The following RARB variants were observed in gnomAD, a reference collection of about 807,000 sequenced individuals.
The protein encoded by RARB is retinoic acid receptor beta, also known as HBV-activated protein.
RARB carries 17 observed loss-of-function variants against 51.9 expected under a neutral mutation model. The observed-to-expected ratio is 0.33, with a 90% confidence interval of 0.22 to 0.49. The LOEUF is 0.49. Ranked by LOEUF, RARB falls within the 20% of genes least tolerant of loss-of-function variation. RARB has a pLI of 0.99. For missense variants in RARB, 369 were observed against 550.8 expected, an observed-to-expected ratio of 0.67 and a Z score of 3.30; for synonymous variants, 215 against 195.4, an observed-to-expected ratio of 1.10 and a Z score of -0.84.
At chr3:24,937,081 G>C (rs1695561907) in intron 2 of RARB, among the ~76,000 whole-genome samples, 1 of 152,170 alleles carries the variant, frequency 6.6e-6, no homozygotes, top group African/African-American at 2.4e-5. Context: ...ATCTTTTTGT[G>C]TAATTTAAGA....
At chr3:24,934,594 A>G (rs1157989669) in intron 2 of RARB, among the ~76,000 whole-genome samples, 2 of 152,096 alleles carry the variant, frequency 1.3e-5, no homozygotes, top group African/African-American at 4.8e-5. Flanking sequence ...CATGAGACTG[A>G]TAATTTCACA....
chr3:25,113,913 A>G (rs1269476179), intron 3 of RARB, among the ~76,000 whole-genome samples: 1 of 152,158 alleles, frequency 6.6e-6, no homozygotes, highest in African/African-American at 2.4e-5. Context: ...CTGCCAGGAT[A>G]GTAAATGTCT....
chr3:25,394,187 T>C (rs982027188), intron 5 of RARB, among the ~76,000 whole-genome samples: 1 of 152,164 alleles, frequency 6.6e-6, no homozygotes, highest in Non-Finnish European at 1.5e-5. Context: ...TTATTTAATT[T>C]CCATGTATTT....
At chr3:25,493,894 T>C (rs1246269103) in intron 2 of RARB, among the ~76,000 whole-genome samples, 1 of 152,216 alleles carries the variant, frequency 6.6e-6, no homozygotes, top group East Asian at 1.9e-4. Flanking sequence ...AAAAAATAAC[T>C]TCCATTCAAA....
chr3:25,133,801 A>G lies in RARB; in HGVS notation c.-280+1593A>G, dbSNP rs1482335251. ...GACAAAAGGTTGATCGACACTGATG[A>G]AAACAAAAAGTATGTGTGTGACACA... On this transcript the variant is annotated intron_variant, in intron 4 of 11. Transcript: ENST00000383772. 2.7e-5 allele frequency among the ~76,000 whole-genome samples: 4 copies of G among 148,508 alleles called. No homozygotes were observed. The Admixed American group carries it at 2.8e-4, about 10-fold the overall frequency.
chr3:25,170,536 C>T (rs1400455608), intron 4 of RARB, among the ~76,000 whole-genome samples: 1 of 152,028 alleles, frequency 6.6e-6, no homozygotes, highest in Non-Finnish European at 1.5e-5. Flanking sequence ...AATCACTGAT[C>T]TAAAGAAACT....
At chr3:25,526,457 G>A (rs1044720893) in intron 3 of RARB, among the ~76,000 whole-genome samples, 9 of 152,194 alleles carry the variant, frequency 5.9e-5, no homozygotes, top group Non-Finnish European at 1.3e-4. Flanking sequence ...TGGGCAAGGG[G>A]CTGGGAATGG....
intron 5 of RARB, among the ~76,000 whole-genome samples, chr3:25,419,178 G>T (rs1363853584): frequency 1.3e-5 from 2 of 152,104 alleles, no homozygotes; most frequent in African/African-American, 4.8e-5. Flanking sequence ...CTGTGTCCCT[G>T]TGTCTTCCGA....
chr3:25,260,084 A>C, intron 5 of RARB: 1 of 763,794 alleles, frequency 1.3e-6, no homozygotes, highest in Non-Finnish European at 1.6e-6. Flanking sequence ...CACAAGGCCC[A>C]GATGAGTTTC....
intron 5 of RARB, among the ~76,000 whole-genome samples, chr3:25,184,612 T>C (rs1700934115): frequency 2.0e-5 from 3 of 152,150 alleles, no homozygotes; most frequent in Admixed American, 1.3e-4. Context: ...GACAGATTTT[T>C]AACCTCTGTG....
At chr3:25,589,757 C>G (rs900801123) in intron 5 of RARB, among the ~76,000 whole-genome samples, 2 of 152,234 alleles carry the variant, frequency 1.3e-5, no homozygotes, top group Non-Finnish European at 2.9e-5. Context: ...TGACCATCAA[C>G]TGGAGCTTTG....
intron 3 of RARB, among the ~76,000 whole-genome samples, chr3:25,513,095 C>T (rs1040304875): frequency 7.3e-5 from 10 of 136,394 alleles, no homozygotes; most frequent in South Asian, 2.3e-4. Context: ...CCAGCTAACA[C>T]GGTAAAACCC....
At chr3:25,159,794 T>G (rs568104089) in intron 4 of RARB, among the ~76,000 whole-genome samples, 1 of 152,294 alleles carries the variant, frequency 6.6e-6, no homozygotes, top group East Asian at 1.9e-4. Flanking sequence ...TAAAATGTCA[T>G]TTCCTAATGT....
chr3:24,902,988 A>G (rs1327784565), intron 2 of RARB, among the ~76,000 whole-genome samples: 2 of 152,152 alleles, frequency 1.3e-5, no homozygotes, highest in Non-Finnish European at 2.9e-5. Flanking sequence ...ATTGAGAGAA[A>G]CAAGACGCCT....
At position 24,956,868 on chromosome 3, in the gene RARB, G is replaced by A. The variant is rs75893046; in HGVS notation, c.-380+98116G>A. On this transcript the variant is annotated intron_variant, in intron 2 of 11. Transcript: ENST00000383772. ...GGAAAGTTCCTTGGGTTCTATGCCT[G>A]TAAGGGAACGAGGAAAGCTGGACCA... Among the ~76,000 whole-genome samples the A allele has an allele frequency of 2.8e-3, 427 of 152,324 alleles. 2 individuals carry two copies. The highest frequency in any genetic ancestry group is 9.7e-3 in the African/African-American group (405 of 41,564).
intron 3 of RARB, 148 bp from the exon 4 acceptor site, chr3:25,569,610 G>C (rs1700631066): frequency 1.1e-6 from 1 of 906,282 alleles, no homozygotes; most frequent in Admixed American, 2.6e-5. Context: ...CCCTTTTCCA[G>C]GGAGGTGTGT....
intron 2 of RARB, among the ~76,000 whole-genome samples, chr3:24,873,050 A>G (rs1702976756): frequency 6.6e-6 from 1 of 152,224 alleles, no homozygotes; most frequent in African/African-American, 2.4e-5. Context: ...GCATAAAAGC[A>G]GTTATAGCAC....
intron 1 of RARB, among the ~76,000 whole-genome samples, chr3:25,450,689 G>A (rs1298679664): frequency 6.6e-6 from 1 of 152,126 alleles, no homozygotes; most frequent in Non-Finnish European, 1.5e-5. Flanking sequence ...AGCATCCCTG[G>A]CCTCTACCTA....
At chr3:25,023,618 T>C (rs965956519) in intron 2 of RARB, among the ~76,000 whole-genome samples, 2 of 152,126 alleles carry the variant, frequency 1.3e-5, no homozygotes, top group South Asian at 2.1e-4. Context: ...TGGGTCACTA[T>C]TATTAGGGAC....
Sources: gnomAD v4.1 joint callset for allele counts (sites outside exome capture counted in the v4.1 genomes callset) on GRCh38, gnomAD v4.1.1 for gene constraint, MANE v1.5 for transcripts, NCBI Gene and HGNC (gene_info 2026-07-23, HGNC 2026-07-21) for gene names.